Variants in PCDHGA5 observed in about 807,000 individuals in gnomAD.
The protein encoded by PCDHGA5 is protocadherin gamma subfamily A, 5.
In PCDHGA5, 36 loss-of-function variants were observed where a neutral mutation model predicts 56.7. That is an observed-to-expected ratio of 0.64 (90% CI 0.49 to 0.84). PCDHGA5 has a LOEUF of 0.84. Ranked by LOEUF, PCDHGA5 falls within the 40% of genes least tolerant of loss-of-function variation. The probability of loss-of-function intolerance (pLI) is 0.00; values close to 1 mark genes in which losing one functional copy is unlikely to be tolerated. For synonymous variants in PCDHGA5, 563 were observed against 520.2 expected, an observed-to-expected ratio of 1.08 and a Z score of -1.12; for missense variants, 1,305 against 1,201.5, an observed-to-expected ratio of 1.09 and a Z score of -1.27.
At chr5:141,500,278 G>A (rs1338703900) in intron 2 of PCDHGA5, among the ~76,000 whole-genome samples, 2 of 150,508 alleles carry the variant, frequency 1.3e-5, no homozygotes, top group East Asian at 2.0e-4. Context: ...GCGCAATCTC[G>A]GCTCACTGCA....
chr5:141,418,954 T>C (rs1490406390), intron 1 of PCDHGA5: 2 of 1,613,914 alleles, frequency 1.2e-6, no homozygotes, highest in Admixed American at 1.7e-5. Flanking sequence ...CAGGAGTGGT[T>C]GTTGCCCTCT....
Position 141,415,037 on chromosome 5 carries a change from T to G in PCDHGA5, c.2421+48286T>G, listed in dbSNP as rs775779136. The G allele has an allele frequency of 5.0e-6, 8 of 1,613,384 alleles. No homozygotes were observed. In the Admixed American group the frequency reaches 8.3e-5, roughly 17 times the overall value. ...CTCAAGGCCAGCGAGCCGGGACTCT[T>G]CGCGGTGGGGGAGCACACGGGCGAG... is the stretch of plus-strand genomic sequence containing the variant. On this transcript the variant is annotated intron_variant, in intron 1 of 3. Coordinates refer to ENST00000518069, the MANE Select transcript of PCDHGA5 (RefSeq NM_018918.3).
chr5:141,388,908 G>T, intron 1 of PCDHGA5: 2 of 1,613,892 alleles, frequency 1.2e-6, no homozygotes, highest in East Asian at 2.2e-5. Context: ...AAATGACAAC[G>T]CCCCAGAAGT....
At position 141,366,690 on chromosome 5, in the gene PCDHGA5, A is replaced by T; in HGVS notation, c.2360A>T (p.Lys787Ile). 6.2e-7 allele frequency: 1 copy of T among 1,614,252 alleles called. No homozygotes were observed. Among genetic ancestry groups the T allele is most frequent in the Non-Finnish European group, 8.5e-7 (1 of 1,180,030 alleles). The change falls in exon 1 of 4, where the codon AAA (lysine) becomes ATA (isoleucine). Residue 787 changes from lysine to isoleucine, a missense_variant. Physicochemically the swap from Lys to Ile is moderately radical, Grantham distance 102. Transcript: ENST00000518069. The stretch of plus-strand genomic sequence containing the variant: ...CTCCTTAGTGAAGAGAGCTGTGAGA[A>T]AAGCGAGCCTCTTCTGATGTCTGAT... ...DTLLSEESCE[K>I]SEPLLMSDKV... is the part of the protein sequence containing the mutation.
intron 1 of PCDHGA5, chr5:141,427,780 TGTCGTCCTAC>T (rs892399327): frequency 8.9e-6 from 13 of 1,455,886 alleles, no homozygotes; most frequent in Middle Eastern, 1.7e-4. Context: ...CTGCGGGCAC[TGTCGTCCTAC>T]GTGTCCGTGA....
intron 1 of PCDHGA5, among the ~76,000 whole-genome samples, chr5:141,456,023 G>A (rs937523861): frequency 1.3e-5 from 2 of 151,586 alleles, no homozygotes; most frequent in South Asian, 2.1e-4. Context: ...TCAGCCTCCC[G>A]AGTAGCTGGG....
At chr5:141,441,340 C>T (rs2098240395) in intron 1 of PCDHGA5, 1 of 152,330 alleles carries the variant, frequency 6.6e-6, no homozygotes, top group Non-Finnish European at 1.5e-5. Flanking sequence ...CAATAATTAA[C>T]TACATGCTTG....
intron 1 of PCDHGA5, among the ~76,000 whole-genome samples, chr5:141,460,976 T>C (rs1444476508): frequency 7.6e-6 from 1 of 131,636 alleles, no homozygotes; most frequent in Non-Finnish European, 1.6e-5. Flanking sequence ...TGTGTGTGTG[T>C]GTGTGTGTAT....
At position 141,476,760 on chromosome 5, in the gene PCDHGA5, C is replaced by A; in HGVS notation, c.2422-18047C>A. The A allele has an allele frequency of 6.2e-7, 1 of 1,613,824 alleles. No homozygotes were observed. Among genetic ancestry groups the A allele is most frequent in the Non-Finnish European group, 8.5e-7 (1 of 1,180,010 alleles). On this transcript the variant is annotated intron_variant, in intron 1 of 3. Coordinates refer to ENST00000518069, the MANE Select transcript of PCDHGA5 (RefSeq NM_018918.3). This position sits in a 1 kb window ranked among gnomAD's most constrained non-coding sequence, Gnocchi z 7.6. ...GAGCCTAGTCTCCAGTTAGTGCTGA[C>A]GGCGTTGGACGGAGGGACCCCAGCT...
intron 1 of PCDHGA5, chr5:141,367,582 A>G (rs1339166243): frequency 6.6e-6 from 1 of 150,954 alleles, no homozygotes; most frequent in Admixed American, 6.6e-5. Flanking sequence ...ATATCAGAAA[A>G]GTAGATAAAA....
At chr5:141,405,062 T>C in intron 1 of PCDHGA5, 1 of 1,613,918 alleles carries the variant, frequency 6.2e-7, no homozygotes, top group Non-Finnish European at 8.5e-7. Flanking sequence ...CTCCTGTGTC[T>C]TCCTCACCTT....
In PCDHGA5 at chr5:141,487,737, T is replaced by G. The variant is rs1019622307; in HGVS notation, c.2422-7070T>G. 1 of 1,563,758 alleles carries G rather than the reference T, an allele frequency of 6.4e-7. No homozygotes were observed. The highest frequency in any genetic ancestry group is 8.7e-7 in the Non-Finnish European group (1 of 1,152,772). On this transcript the variant is annotated intron_variant, in intron 1 of 3. Transcript: ENST00000518069. This position sits in a 1 kb window ranked among gnomAD's most constrained non-coding sequence, Gnocchi z 5.0. ...GCCCATAGTGATGTCACCATTTTTG[T>G]AAGAGGTAACTATGTGGTAGACGCT...
chr5:141,404,147 G>A lies in PCDHGA5; in HGVS notation c.2421+37396G>A, dbSNP rs750117507. 2 of 1,612,990 alleles carry A rather than the reference G, an allele frequency of 1.2e-6. No homozygotes were observed. The highest frequency in any genetic ancestry group is 1.7e-6 in the Non-Finnish European group (2 of 1,179,340). ...ATCTTTTACATTAGAAAATTCAGAA[G>A]AAGATTATTACAGATTGTTGACGGC... On this transcript the variant is annotated intron_variant, in intron 1 of 3. Coordinates refer to ENST00000518069, the MANE Select transcript of PCDHGA5 (RefSeq NM_018918.3).
chr5:141,458,593 C>T (rs1352799952), intron 1 of PCDHGA5, among the ~76,000 whole-genome samples: 4 of 151,402 alleles, frequency 2.6e-5, no homozygotes, highest in Non-Finnish European at 5.9e-5. Flanking sequence ...GTTTTGGAGA[C>T]GAGTCTCACT....
At chr5:141,407,314 T>G (rs2094914230) in intron 1 of PCDHGA5, among the ~76,000 whole-genome samples, 1 of 152,212 alleles carries the variant, frequency 6.6e-6, no homozygotes, top group Non-Finnish European at 1.5e-5. Flanking sequence ...CCTTCATACT[T>G]AGTATTTATA....
chr5:141,417,644 AG>A, intron 1 of PCDHGA5: 1 of 779,202 alleles, frequency 1.3e-6, no homozygotes, highest in South Asian at 2.1e-5. Flanking sequence ...GGGATCCCTC[AG>A]CCTCTAGCCT....
At chr5:141,410,182 T>G in intron 1 of PCDHGA5, 1 of 1,613,868 alleles carries the variant, frequency 6.2e-7, no homozygotes, top group Non-Finnish European at 8.5e-7. Flanking sequence ...CCGCCACGCT[T>G]CATCTGGTCT....
At chr5:141,500,789 C>G (rs1006758925) in intron 2 of PCDHGA5, among the ~76,000 whole-genome samples, 2 of 152,142 alleles carry the variant, frequency 1.3e-5, no homozygotes, top group African/African-American at 4.8e-5. Flanking sequence ...TATTATTTTA[C>G]AGAATAAGTC....
intron 1 of PCDHGA5, among the ~76,000 whole-genome samples, chr5:141,479,962 A>G: frequency 6.6e-6 from 1 of 152,226 alleles, no homozygotes; most frequent in Non-Finnish European, 1.5e-5. Context: ...GCAGTTAGTC[A>G]AATGAGGTTC....
Sources: gnomAD v4.1 joint callset for allele counts (sites outside exome capture counted in the v4.1 genomes callset) on GRCh38, gnomAD v4.1.1 for gene constraint, Gnocchi (gnomAD v3.1) non-coding constraint, MANE v1.5 for transcripts, NCBI Gene and HGNC (gene_info 2026-07-23, HGNC 2026-07-21) for gene names.